DOK5: variants seen among roughly 807,000 people sequenced by gnomAD.
DOK5 encodes the protein downstream of tyrosine kinase 5.
DOK5 carries 27 observed loss-of-function variants against 43.3 expected under a neutral mutation model. The observed-to-expected ratio is 0.62, with a 90% CI of 0.46 to 0.86. The LOEUF is 0.86. Ranked by LOEUF, DOK5 falls within the 40% of genes least tolerant of loss-of-function variation. The pLI is 0.00. For synonymous variants in DOK5, 146 were observed against 140.1 expected (o/e 1.04, Z -0.30); for missense variants, 373 against 392.9 (o/e 0.95, Z 0.43).
At chr20:54,541,732 C>T (rs1042188842) in intron 1 of DOK5, among the ~76,000 whole-genome samples, 10 of 152,142 alleles carry the variant, frequency 6.6e-5, no homozygotes, top group Admixed American at 6.5e-5. Context: ...CCACCGTGCC[C>T]GGCCAAGCCA....
intron 5 of DOK5, among the ~76,000 whole-genome samples, chr20:54,602,452 A>C (rs1986326393): frequency 6.6e-6 from 1 of 152,176 alleles, no homozygotes; most frequent in Non-Finnish European, 1.5e-5. Flanking sequence ...TTTGGGCAGT[A>C]GAGGCGATGT....
At chr20:54,525,351 T>C (rs778151226) in intron 1 of DOK5, among the ~76,000 whole-genome samples, 5 of 152,226 alleles carry the variant, frequency 3.3e-5, no homozygotes, top group Non-Finnish European at 5.9e-5. Flanking sequence ...ACATTAAAAT[T>C]CTTATTTTAT....
chr20:54,541,062 G>A (rs940386404), intron 1 of DOK5, among the ~76,000 whole-genome samples: 3 of 152,038 alleles, frequency 2.0e-5, no homozygotes, highest in Non-Finnish European at 2.9e-5. Context: ...ACTGAACTTC[G>A]TCCTTTTCCA....
At chr20:54,572,542 A>G (rs1394505710) in intron 2 of DOK5, among the ~76,000 whole-genome samples, 1 of 152,194 alleles carries the variant, frequency 6.6e-6, no homozygotes, top group Non-Finnish European at 1.5e-5. Context: ...CATGATTGAT[A>G]TGAGGTGTTC....
Position 54,558,964 on chromosome 20 carries a change from TA to T in DOK5, c.174+3925del, listed in dbSNP as rs1449698208. On this transcript the variant is annotated intron_variant, in intron 2 of 7. Coordinates refer to ENST00000262593, the MANE Select transcript of DOK5 (RefSeq NM_018431.5). ...AAAATAAACATATGAATAATGCACA[TA>T]TAGAACAATTTATTTTTTATTTCTT... 2.0e-5 allele frequency among the ~76,000 whole-genome samples: 3 copies of T among 152,134 alleles called. No homozygotes were observed. In the East Asian group the frequency reaches 5.8e-4, roughly 29 times the overall value.
chr20:54,580,128 C>T (rs1375325687), intron 2 of DOK5, among the ~76,000 whole-genome samples: 4 of 151,998 alleles, frequency 2.6e-5, no homozygotes, highest in Admixed American at 6.6e-5. Context: ...TTTATGGCTG[C>T]ATAATATTGC....
rs563937630 is a variant in DOK5 at position 54,560,304 on chromosome 20, T to A, written c.174+5264T>A. 1.1e-4 allele frequency among the ~76,000 whole-genome samples: 17 copies of A among 152,332 alleles called. No homozygotes were observed. The South Asian group carries it at 3.1e-3, about 28-fold the overall frequency. ...TTACTTTGGAGTCATCCCCTCCTCA[T>A]GTAAGAAACTACCCACCATGCCATA... On this transcript the variant is annotated intron_variant, in intron 2 of 7. Transcript: ENST00000262593.
Position 54,476,005 on chromosome 20 carries a change from G to T in DOK5, c.59G>T (p.Arg20Leu). 6.2e-7 allele frequency: 1 copy of T among 1,613,364 alleles called. No individual in the cohort carries two copies. Reference sequence around the variant, plus strand: ...GGGTACGTGAGGATCCGGAGCAGACGCCTCGGGGTGAGTATCGATCCTCTC... The same window carrying T: ...GGGTACGTGAGGATCCGGAGCAGACTCCTCGGGGTGAGTATCGATCCTCTC... The part of the protein sequence containing the change: ...KQGYVRIRSR[R>L]LGIYQRCWLV... Residue 20 changes from arginine (R) to leucine (L), a missense_variant, in exon 1 of 8, where the codon CGC becomes CTC. Physicochemically the swap from Arg to Leu is moderately radical, Grantham distance 102. Transcript: ENST00000262593.
In DOK5 at chr20:54,623,728, C is replaced by T. The variant is rs369970042; in HGVS notation, c.735+13205C>T. ...CTGACTAGCTGGGACTACAGGCGCC[C>T]ACCACCATGCCTGGCTAATTTTTTG... On this transcript the variant is annotated intron_variant, in intron 6 of 7. Coordinates refer to ENST00000262593, the MANE Select transcript of DOK5 (RefSeq NM_018431.5). Among the ~76,000 whole-genome samples, 339 of 152,126 alleles carry T rather than the reference C, an allele frequency of 2.2e-3. 3 individuals are homozygous for T. The highest frequency in any genetic ancestry group is 7.6e-3 in the African/African-American group (317 of 41,482).
chr20:54,641,595 TTC>T (rs1178731849), intron 6 of DOK5, among the ~76,000 whole-genome samples: 14 of 151,798 alleles, frequency 9.2e-5, no homozygotes, highest in African/African-American at 3.4e-4. Context: ...ATCTCCATTT[TTC>T]CCCTTTACCT....
chr20:54,496,507 C>T (rs1047933672), intron 1 of DOK5, among the ~76,000 whole-genome samples: 2 of 152,138 alleles, frequency 1.3e-5, no homozygotes, highest in Admixed American at 1.3e-4. Context: ...GTGGCTCATG[C>T]CTGTAATCCC....
intron 7 of DOK5, among the ~76,000 whole-genome samples, chr20:54,646,542 T>G (rs1281153594): frequency 6.6e-6 from 1 of 152,184 alleles, no homozygotes; most frequent in Non-Finnish European, 1.5e-5. Context: ...TATCAGCCAC[T>G]GCACCCAGCT....
At chr20:54,628,323 G>A (rs1978392964) in intron 6 of DOK5, among the ~76,000 whole-genome samples, 1 of 144,504 alleles carries the variant, frequency 6.9e-6, no homozygotes, top group African/African-American at 2.6e-5. Flanking sequence ...GCAGGAGAAT[G>A]GCGTGAACCC....
At chr20:54,593,565 G>T (rs1437035742) in intron 5 of DOK5, among the ~76,000 whole-genome samples, 1 of 152,140 alleles carries the variant, frequency 6.6e-6, no homozygotes, top group Non-Finnish European at 1.5e-5. Context: ...GGTGGCTTAT[G>T]CCTGTAATCC....
intron 5 of DOK5, among the ~76,000 whole-genome samples, chr20:54,607,692 G>A (rs1353217065): frequency 2.6e-5 from 4 of 151,676 alleles, no homozygotes; most frequent in African/African-American, 4.8e-5. Context: ...CGAGACCAGC[G>A]GCCAAAATGG....
At chr20:54,638,492 C>A (rs188236349) in intron 6 of DOK5, among the ~76,000 whole-genome samples, 4 of 152,084 alleles carry the variant, frequency 2.6e-5, no homozygotes, top group African/African-American at 7.2e-5. Context: ...GAAGTTTGGC[C>A]GTTAGCATGA....
intron 1 of DOK5, among the ~76,000 whole-genome samples, chr20:54,479,610 G>A (rs1486864588): frequency 6.6e-6 from 1 of 152,176 alleles, no homozygotes; most frequent in Non-Finnish European, 1.5e-5. Flanking sequence ...GCAAGTTTCA[G>A]AACGGAAACT....
chr20:54,525,659 A>G (rs1211117535), intron 1 of DOK5, among the ~76,000 whole-genome samples: 1 of 152,208 alleles, frequency 6.6e-6, no homozygotes, highest in Admixed American at 6.5e-5. Flanking sequence ...GGAGAGTTAA[A>G]TAGGCTACAT....
chr20:54,638,027 C>G (rs2146824543), intron 6 of DOK5, among the ~76,000 whole-genome samples: 1 of 149,398 alleles, frequency 6.7e-6, no homozygotes, highest in Non-Finnish European at 1.5e-5. Context: ...GAGGCTGAGG[C>G]AGGAGAATGG....
Sources: gnomAD v4.1 joint callset for allele counts (sites outside exome capture counted in the v4.1 genomes callset) on GRCh38, gnomAD v4.1.1 for gene constraint, MANE v1.5 for transcripts, NCBI Gene and HGNC (gene_info 2026-07-23, HGNC 2026-07-21) for gene names.